The following RBFOX1 variants were observed in gnomAD, a reference collection of about 807,000 sequenced individuals.
RBFOX1 encodes the protein RNA binding fox-1 homolog 1.
RBFOX1 carries 8 observed loss-of-function variants against 57.7 expected under a neutral mutation model. The observed-to-expected ratio is 0.14, with a 90% CI of 0.08 to 0.25. The LOEUF (loss-of-function observed/expected upper bound fraction) is 0.25. RBFOX1 is among the 10% of genes least tolerant of loss of function. RBFOX1 has a pLI of 1.00. For synonymous variants in RBFOX1, 326 were observed against 222.4 expected (o/e 1.47, Z -4.15); for missense variants, 611 against 548.5 (o/e 1.11, Z -1.14).
Position 6,898,436 on chromosome 16 carries a change from A to C in RBFOX1, c.-15-153621A>C, listed in dbSNP as rs528242375. Among the ~76,000 whole-genome samples the C allele has an allele frequency of 2.6e-5, 4 of 152,264 alleles. No homozygotes were observed. The South Asian group carries it at 8.3e-4, about 32-fold the overall frequency. On this transcript the variant is annotated intron_variant, in intron 3 of 15. Transcript: ENST00000550418. ...CAGCTTGTTATGTGGCTGTGGTAGT[A>C]AGCATTTGGAATCAGCTCTATCAAT...
At chr16:6,147,178 C>T (rs530795556) in intron 1 of RBFOX1, among the ~76,000 whole-genome samples, 1 of 152,308 alleles carries the variant, frequency 6.6e-6, no homozygotes, top group African/African-American at 2.4e-5. Flanking sequence ...CCTAAAAGGA[C>T]CTCTTCAGAG....
intron 1 of RBFOX1, among the ~76,000 whole-genome samples, chr16:5,331,786 C>T (rs1331900242): frequency 6.6e-6 from 1 of 152,234 alleles, no homozygotes; most frequent in East Asian, 1.9e-4. Context: ...TTGTAGAAGT[C>T]ACTGATGAAA....
intron 4 of RBFOX1, among the ~76,000 whole-genome samples, chr16:5,906,525 ATGT>A (rs147772943): frequency 0.031 from 4,659 of 152,118 alleles, 238 homozygotes; most frequent in African/African-American, 0.11. Context: ...GAGATGATAC[ATGT>A]TTGTTGTTTA....
At chr16:7,325,968 C>T (rs1334683009) in intron 4 of RBFOX1, among the ~76,000 whole-genome samples, 2 of 152,138 alleles carry the variant, frequency 1.3e-5, no homozygotes, top group Non-Finnish European at 2.9e-5. Context: ...CTGGTTCAAG[C>T]TGATACCCTA....
chr16:6,246,100 A>G (rs1001122914), intron 1 of RBFOX1, among the ~76,000 whole-genome samples: 15 of 152,192 alleles, frequency 9.9e-5, no homozygotes, highest in Non-Finnish European at 1.9e-4. Context: ...TTTTAACAAA[A>G]CAACAAAACC....
chr16:6,586,134 A>T (rs1008552683), intron 2 of RBFOX1, among the ~76,000 whole-genome samples: 12 of 152,226 alleles, frequency 7.9e-5, no homozygotes, highest in African/African-American at 1.2e-4. Context: ...GTTATGATCA[A>T]TTCAGACGTT....
At chr16:7,705,048 GAAAA>G (rs36086189) in intron 14 of RBFOX1, among the ~76,000 whole-genome samples, 5 of 129,834 alleles carry the variant, frequency 3.9e-5, no homozygotes, top group Non-Finnish European at 8.2e-5. Context: ...TGTCTCAAAA[GAAAA>G]AAAAAAAAAA....
At chr16:5,592,282 C>G (rs1209987074) in intron 2 of RBFOX1, among the ~76,000 whole-genome samples, 1 of 151,854 alleles carries the variant, frequency 6.6e-6, no homozygotes, top group Middle Eastern at 3.4e-3. Context: ...TGCCCTTTGT[C>G]TTCTACTTTG....
At chr16:7,525,027 C>T (rs911705965) in intron 5 of RBFOX1, among the ~76,000 whole-genome samples, 6 of 152,202 alleles carry the variant, frequency 3.9e-5, no homozygotes, top group African/African-American at 1.4e-4. Context: ...TTCTTAGTCT[C>T]TGTGCCAGAA....
chr16:6,923,383 A>C (rs1460858613), intron 3 of RBFOX1, among the ~76,000 whole-genome samples: 1 of 151,980 alleles, frequency 6.6e-6, no homozygotes, highest in Non-Finnish European at 1.5e-5. Context: ...ACAATACACA[A>C]ATTAGCAGGC....
intron 4 of RBFOX1, among the ~76,000 whole-genome samples, chr16:7,512,603 C>A (rs1452615680): frequency 6.6e-6 from 1 of 152,200 alleles, no homozygotes; most frequent in African/African-American, 2.4e-5. Flanking sequence ...TGGATGCTAA[C>A]TGCAGGCTCC....
At chr16:7,682,112 CATG>C in intron 14 of RBFOX1, among the ~76,000 whole-genome samples, 1 of 152,228 alleles carries the variant, frequency 6.6e-6, no homozygotes, top group South Asian at 2.1e-4. Flanking sequence ...TTCCTTCTCA[CATG>C]CTGTTTAAAA....
intron 1 of RBFOX1, among the ~76,000 whole-genome samples, chr16:6,085,837 A>C (rs1310460706): frequency 6.6e-6 from 1 of 151,756 alleles, no homozygotes; most frequent in South Asian, 2.1e-4. Context: ...TTTTTGTTTA[A>C]GTTCTGGGAT....
At chr16:6,624,805 A>T (rs2098280580) in intron 2 of RBFOX1, among the ~76,000 whole-genome samples, 1 of 152,108 alleles carries the variant, frequency 6.6e-6, no homozygotes, top group Admixed American at 6.6e-5. Flanking sequence ...TCATTTTTTC[A>T]GTGAATACTT....
chr16:6,355,329 C>G (rs1052751533), intron 2 of RBFOX1, among the ~76,000 whole-genome samples: 3 of 152,042 alleles, frequency 2.0e-5, no homozygotes, highest in African/African-American at 4.8e-5. Flanking sequence ...GTTCCCCTCC[C>G]TATATCCATG....
intron 4 of RBFOX1, among the ~76,000 whole-genome samples, chr16:7,237,265 G>A (rs937793121): frequency 6.6e-6 from 1 of 152,174 alleles, no homozygotes; most frequent in East Asian, 1.9e-4. Flanking sequence ...GTCCCAGCGG[G>A]GACCATGAGC....
rs1277656888 is a variant in RBFOX1 at position 6,127,284 on chromosome 16, TA to T, written c.-127+107306del. Among the ~76,000 whole-genome samples, 1,052 of 145,556 alleles carry T rather than the reference TA, an allele frequency of 7.2e-3. 6 individuals carry two copies. The highest frequency in any genetic ancestry group is 0.011 in the Non-Finnish European group (697 of 65,980). On this transcript the variant is annotated intron_variant, in intron 1 of 15. Coordinates refer to ENST00000550418, the MANE Select transcript of RBFOX1 (RefSeq NM_018723.4). ...AGATTATTTTGTCTCTCTCTTTTTT[TA>T]AAAAAAAAAAAAATTGTTTTCCAGT...
intron 3 of RBFOX1, among the ~76,000 whole-genome samples, chr16:5,850,320 A>T (rs996054655): frequency 6.6e-6 from 1 of 152,192 alleles, no homozygotes; most frequent in African/African-American, 2.4e-5. Context: ...ACCTTCCAGA[A>T]AGAAAATGGA....
chr16:7,599,324 G>T (rs965221115), intron 9 of RBFOX1, among the ~76,000 whole-genome samples: 3 of 152,212 alleles, frequency 2.0e-5, no homozygotes, highest in East Asian at 3.8e-4. Context: ...CATATGACTA[G>T]CTGCTCATGT....
Sources: gnomAD v4.1 joint callset for allele counts (sites outside exome capture counted in the v4.1 genomes callset) on GRCh38, gnomAD v4.1.1 for gene constraint, MANE v1.5 for transcripts, NCBI Gene and HGNC (gene_info 2026-07-23, HGNC 2026-07-21) for gene names.